Variants in JARID2 observed in about 807,000 individuals in gnomAD.
The protein encoded by JARID2 is jumonji and AT-rich interaction domain containing 2.
A neutral mutation model predicts 125.6 loss-of-function variants in JARID2; 21 were observed. The observed-to-expected ratio is 0.17, with a 90% confidence interval of 0.12 to 0.24. JARID2 has a LOEUF of 0.24. Ranked by LOEUF, JARID2 falls within the 10% of genes least tolerant of loss-of-function variation. The pLI is 1.00. For synonymous variants in JARID2, 736 were observed against 661.6 expected (o/e 1.11, Z -1.73); for missense variants, 1,303 against 1,639.6 (o/e 0.79, Z 3.55).
At chr6:15,478,443 A>T (rs1208180590) in intron 5 of JARID2, among the ~76,000 whole-genome samples, 3 of 151,946 alleles carry the variant, frequency 2.0e-5, no homozygotes, top group East Asian at 1.9e-4. Flanking sequence ...TTTCGTGCTA[A>T]TGTTTTTACT....
At chr6:15,320,848 C>CTGTGTGTGTGTGTGTGTG (rs764906403) in intron 1 of JARID2, among the ~76,000 whole-genome samples, 2 of 135,044 alleles carry the variant, frequency 1.5e-5, no homozygotes, top group African/African-American at 5.6e-5. Context: ...TTCTCTCTCT[C>CTGTGTGTGTGTGTGTGTG]TCTCTGTGTG....
chr6:15,502,366 G>A (rs1048178298), intron 8 of JARID2, among the ~76,000 whole-genome samples: 7 of 152,230 alleles, frequency 4.6e-5, no homozygotes, highest in East Asian at 1.9e-4. Flanking sequence ...TGAGTTTCCC[G>A]GCACAGACTT....
chr6:15,311,838 A>T (rs1261233550), intron 1 of JARID2, among the ~76,000 whole-genome samples: 1 of 152,062 alleles, frequency 6.6e-6, no homozygotes, highest in African/African-American at 2.4e-5. Flanking sequence ...ATATTCTTTA[A>T]TAAGTCACTT....
chr6:15,251,333 C>T (rs901278506), intron 1 of JARID2, among the ~76,000 whole-genome samples: 6 of 152,196 alleles, frequency 3.9e-5, no homozygotes, highest in Admixed American at 2.0e-4. Flanking sequence ...CATTTTTAAG[C>T]TAGTGGTTTG....
At chr6:15,350,999 TAA>T (rs368641063) in intron 1 of JARID2, among the ~76,000 whole-genome samples, 4 of 136,850 alleles carry the variant, frequency 2.9e-5, no homozygotes, top group South Asian at 2.3e-4. Context: ...GATTTCAAAG[TAA>T]AAAAAAAAAA....
chr6:15,287,119 T>A (rs748203178), intron 1 of JARID2, among the ~76,000 whole-genome samples: 1 of 121,670 alleles, frequency 8.2e-6, no homozygotes, highest in Non-Finnish European at 1.7e-5. Flanking sequence ...AGAGTGAAAC[T>A]CTCATCTCAA....
intron 1 of JARID2, among the ~76,000 whole-genome samples, chr6:15,303,584 T>C (rs749534677): frequency 1.4e-4 from 21 of 152,236 alleles, no homozygotes; most frequent in South Asian, 6.2e-4. Flanking sequence ...TTTAATATGC[T>C]TCTCACCTCT....
chr6:15,253,660 T>C (rs1759541943), intron 1 of JARID2, among the ~76,000 whole-genome samples: 2 of 151,980 alleles, frequency 1.3e-5, no homozygotes, highest in South Asian at 4.1e-4. Flanking sequence ...TTGCCACAGA[T>C]TTTACTATTT....
chr6:15,519,048 G>A (rs912488661), intron 17 of JARID2, among the ~76,000 whole-genome samples: 1 of 152,220 alleles, frequency 6.6e-6, no homozygotes, highest in Non-Finnish European at 1.5e-5. Context: ...TGGCTGAGCA[G>A]GGTGTTGGGC....
intron 4 of JARID2, among the ~76,000 whole-genome samples, chr6:15,456,442 A>G (rs977272726): frequency 6.6e-6 from 1 of 152,240 alleles, no homozygotes; most frequent in Non-Finnish European, 1.5e-5. Context: ...ACCTTTGGAA[A>G]TGAATTTCAT....
chr6:15,261,655 A>G (rs1264253128), intron 1 of JARID2, among the ~76,000 whole-genome samples: 1 of 151,390 alleles, frequency 6.6e-6, no homozygotes, highest in Non-Finnish European at 1.5e-5. Flanking sequence ...GGTTTCTGCC[A>G]TCAGCAGCAA....
intron 1 of JARID2, among the ~76,000 whole-genome samples, chr6:15,331,355 A>G (rs1561796452): frequency 1.3e-5 from 2 of 150,952 alleles, no homozygotes; most frequent in African/African-American, 4.9e-5. Flanking sequence ...AAAAACAAAA[A>G]CAAAAAAAAC....
At chr6:15,495,638 G>A (rs528237837) in intron 6 of JARID2, among the ~76,000 whole-genome samples, 3 of 152,206 alleles carry the variant, frequency 2.0e-5, no homozygotes, top group Non-Finnish European at 4.4e-5. Context: ...CCTGTGGGCA[G>A]GTCATGCTGC....
chr6:15,346,967 C>T (rs1046507987), intron 1 of JARID2, among the ~76,000 whole-genome samples: 4 of 152,110 alleles, frequency 2.6e-5, no homozygotes, highest in African/African-American at 9.7e-5. Flanking sequence ...AACTCCTGAC[C>T]TTGTGATCTG....
chr6:15,253,607 C>A (rs916691216), intron 1 of JARID2, among the ~76,000 whole-genome samples: 1 of 152,008 alleles, frequency 6.6e-6, no homozygotes, highest in Non-Finnish European at 1.5e-5. Flanking sequence ...GACTACCACT[C>A]TGGGTTTCTG....
At chr6:15,416,034 C>T (rs1485346751) in intron 3 of JARID2, among the ~76,000 whole-genome samples, 3 of 151,726 alleles carry the variant, frequency 2.0e-5, no homozygotes, top group South Asian at 2.1e-4. Flanking sequence ...TAGAGGCGCT[C>T]CTCACATCCC....
At chr6:15,516,147 C>T (rs1012958895) in intron 16 of JARID2, among the ~76,000 whole-genome samples, 7 of 152,144 alleles carry the variant, frequency 4.6e-5, no homozygotes, top group African/African-American at 1.7e-4. Context: ...CGTGTCTCTC[C>T]AAGGTCTTGT....
chr6:15,519,966 G>T, intron 17 of JARID2, 103 bp from the exon 18 acceptor site: 1 of 835,084 alleles, frequency 1.2e-6, no homozygotes, highest in Non-Finnish European at 1.8e-6. Flanking sequence ...GTGGTGAAGG[G>T]GACCGCTGCC....
chr6:15,374,102 C>A lies in JARID2; in HGVS notation c.46-15C>A. On this transcript the variant is annotated splice_polypyrimidine_tract_variant and intron_variant, in intron 1 of 17. Transcript: ENST00000341776. ...TTCTATTCAGTAACTCCTCTCTTTT[C>A]TTATGTTTCTTCAGGATGACAGTGA... The A allele has an allele frequency of 6.2e-7, 1 of 1,611,058 alleles. No individual in the cohort carries two copies. Among genetic ancestry groups the A allele is most frequent in the Non-Finnish European group, 8.5e-7 (1 of 1,178,716 alleles).
Sources: gnomAD v4.1 joint callset for allele counts (sites outside exome capture counted in the v4.1 genomes callset) on GRCh38, gnomAD v4.1.1 for gene constraint, MANE v1.5 for transcripts, NCBI Gene and HGNC (gene_info 2026-07-23, HGNC 2026-07-21) for gene names.